The following TSPAN2 variants were observed in gnomAD, a reference collection of about 807,000 sequenced individuals.
TSPAN2 encodes tetraspanin 2.
A neutral mutation model predicts 33.3 loss-of-function variants in TSPAN2; 24 were observed. The observed-to-expected ratio is 0.72, with a 90% CI of 0.52 to 1.01. TSPAN2 has a LOEUF of 1.01. TSPAN2 is among the 50% of genes least tolerant of loss of function. The probability of loss-of-function intolerance (pLI) is 0.00; values close to 1 mark genes in which losing one functional copy is unlikely to be tolerated. For missense variants in TSPAN2, 278 were observed against 281.3 expected, an observed-to-expected ratio of 0.99 and a Z score of 0.08; for synonymous variants, 114 against 104.5, an observed-to-expected ratio of 1.09 and a Z score of -0.56.
At chr1:115,052,575 A>G (rs1387120971) in intron 7 of TSPAN2, among the ~76,000 whole-genome samples, 3 of 152,300 alleles carry the variant, frequency 2.0e-5, no homozygotes, top group East Asian at 1.9e-4. Flanking sequence ...TCAATGATGT[A>G]GATCGAATAC....
intron 1 of TSPAN2, among the ~76,000 whole-genome samples, chr1:115,087,611 G>A (rs1936097): frequency 0.4 from 44,459 of 111,826 alleles, 7,291 homozygotes; most frequent in East Asian, 0.52. Flanking sequence ...GTGAGACTCC[G>A]TCTCAAAAAA....
At chr1:115,068,001 C>T (rs551696341) in intron 2 of TSPAN2, among the ~76,000 whole-genome samples, 2 of 152,184 alleles carry the variant, frequency 1.3e-5, no homozygotes. Context: ...AAGAGACTAG[C>T]GTGGACAAGG....
In TSPAN2 at chr1:115,048,631, T is replaced by G. The variant is rs1316668531; in HGVS notation, c.*1859A>C. 1 of 152,020 alleles carries G rather than the reference T, an allele frequency of 6.6e-6. No homozygotes were observed. Among genetic ancestry groups the G allele is most frequent in the East Asian group, 1.9e-4 (1 of 5,194 alleles). 9.4% of individuals were successfully genotyped at this position (152,020 alleles called of 1,614,324 possible). ...GATTCTGAGTTGGAAAGAACCCGAG[T>G]ATGCACTTGGGCCTGTTTCCTGTCT... is the stretch of plus-strand genomic sequence containing the variant. On this transcript the variant is annotated 3_prime_UTR_variant, in exon 8 of 8. Transcript: ENST00000369516.
At chr1:115,068,915 G>A (rs1359031324) in intron 2 of TSPAN2, among the ~76,000 whole-genome samples, 3 of 152,184 alleles carry the variant, frequency 2.0e-5, no homozygotes, top group East Asian at 1.9e-4. Flanking sequence ...GGGCAAGCAC[G>A]GACCTGGCTG....
chr1:115,052,605 C>A (rs943460251), intron 7 of TSPAN2, among the ~76,000 whole-genome samples: 1 of 152,132 alleles, frequency 6.6e-6, no homozygotes, highest in South Asian at 2.1e-4. Flanking sequence ...TACCACCTCT[C>A]GCAACTCCTG....
intron 2 of TSPAN2, among the ~76,000 whole-genome samples, chr1:115,064,700 C>A (rs1302178656): frequency 6.6e-6 from 1 of 152,192 alleles, no homozygotes; most frequent in Non-Finnish European, 1.5e-5. Context: ...CTGTCATCAC[C>A]CATCTTTGCT....
chr1:115,078,378 T>C (rs1379004296), intron 1 of TSPAN2, among the ~76,000 whole-genome samples: 4 of 152,164 alleles, frequency 2.6e-5, no homozygotes, highest in Admixed American at 2.6e-4. Flanking sequence ...ATTTGCTAAA[T>C]GAGTGAATGG....
chr1:115,081,337 C>T (rs1044878621), intron 1 of TSPAN2, among the ~76,000 whole-genome samples: 10 of 152,300 alleles, frequency 6.6e-5, no homozygotes, highest in African/African-American at 2.4e-4. Flanking sequence ...TGGCCCTGCT[C>T]AGCCTTGCTC....
chr1:115,069,150 C>T (rs536497543), intron 2 of TSPAN2, among the ~76,000 whole-genome samples: 43 of 152,300 alleles, frequency 2.8e-4, no homozygotes, highest in African/African-American at 8.2e-4. Context: ...GGACGAGGAA[C>T]GAAAGGTGGG....
chr1:115,081,094 A>G (rs895928749), intron 1 of TSPAN2, among the ~76,000 whole-genome samples: 2 of 152,256 alleles, frequency 1.3e-5, no homozygotes, highest in Non-Finnish European at 2.9e-5. Flanking sequence ...AGATTAGAAA[A>G]GCCAAAACAA....
At chr1:115,062,437 C>T (rs990973462) in intron 2 of TSPAN2, among the ~76,000 whole-genome samples, 3 of 152,134 alleles carry the variant, frequency 2.0e-5, no homozygotes, top group Non-Finnish European at 4.4e-5. Context: ...TTGGCAGAGC[C>T]GGGAGAAAAA....
rs766607193 is a variant in TSPAN2 at position 115,060,527 on chromosome 1, G to A, written c.282C>T (p.Cys94=). The change falls in exon 4 of 8, where the codon TGC becomes TGT. Residue 94 remains cysteine (C), a synonymous_variant. Coordinates refer to ENST00000369516, the MANE Select transcript of TSPAN2 (RefSeq NM_005725.6). The stretch of plus-strand genomic sequence containing the variant: ...CTTCAGCAGCAAATATCACCAGGAG[G>A]CAGGTAAAAAACTGTAGAGGAGAGA... ...SQCVLGSFFT[C]LLVIFAAEVT... 6 of 1,612,960 alleles carry A rather than the reference G, an allele frequency of 3.7e-6. No homozygotes were observed. Among genetic ancestry groups the A allele is most frequent in the South Asian group, 1.1e-5 (1 of 90,864 alleles).
chr1:115,087,607 C>A (rs1438742903), intron 1 of TSPAN2, among the ~76,000 whole-genome samples: 3 of 121,620 alleles, frequency 2.5e-5, no homozygotes, highest in African/African-American at 3.4e-5. Flanking sequence ...CAGAGTGAGA[C>A]TCCGTCTCAA....
rs1231088504 is a variant in TSPAN2 at position 115,067,626 on chromosome 1, A to AATGCTTTCCTTATACATAAC, written c.172+5259_172+5278dup. The stretch of plus-strand genomic sequence containing the variant: ...CCACCCCCTTGGTGTTCGGCACTGG[A>AATGCTTTCCTTATACATAAC]ATGCTTTCCTTATACATAACATCCA... On this transcript the variant is annotated intron_variant, in intron 2 of 7. Coordinates refer to ENST00000369516, the MANE Select transcript of TSPAN2 (RefSeq NM_005725.6). 9.2e-4 allele frequency among the ~76,000 whole-genome samples: 140 copies of AATGCTTTCCTTATACATAAC among 152,276 alleles called. 3 individuals carry two copies. Among genetic ancestry groups the AATGCTTTCCTTATACATAAC allele is most frequent in the African/African-American group, 3.3e-3 (138 of 41,556 alleles).
chr1:115,079,858 T>C (rs191365847), intron 1 of TSPAN2, among the ~76,000 whole-genome samples: 2 of 152,318 alleles, frequency 1.3e-5, no homozygotes, highest in Admixed American at 1.3e-4. Context: ...TTCCTTCAGG[T>C]AAGAGTATAT....
chr1:115,066,868 G>A (rs1304433224), intron 2 of TSPAN2, among the ~76,000 whole-genome samples: 1 of 152,130 alleles, frequency 6.6e-6, no homozygotes, highest in Non-Finnish European at 1.5e-5. Context: ...TTCCTAATCC[G>A]AAAATCCCAA....
rs1229256413 is a variant in TSPAN2 at position 115,049,093 on chromosome 1, C to T, written c.*1397G>A. ...GTATTTTCACTTATGTGTGGCCTTA[C>T]AAAATGTAGTTTTTAAAAAATCTAT... On this transcript the variant is annotated 3_prime_UTR_variant, in exon 8 of 8. Coordinates refer to ENST00000369516, the MANE Select transcript of TSPAN2 (RefSeq NM_005725.6). 1 of 152,058 alleles carries T rather than the reference C, an allele frequency of 6.6e-6. No individual in the cohort carries two copies. Among genetic ancestry groups the T allele is most frequent in the East Asian group, 1.9e-4 (1 of 5,182 alleles). The allele number at this position is 152,058 out of a possible 1,614,324, so 9.4% of individuals were successfully genotyped here.
chr1:115,073,536 G>T (rs1648275961), intron 1 of TSPAN2, among the ~76,000 whole-genome samples: 1 of 116,392 alleles, frequency 8.6e-6, no homozygotes, highest in Non-Finnish European at 1.9e-5. Flanking sequence ...CACCTCGTGA[G>T]TGCACAGTCC....
At position 115,077,699 on chromosome 1, in the gene TSPAN2, T is replaced by C. The variant is rs185484247; in HGVS notation, c.70-4692A>G. On this transcript the variant is annotated intron_variant, in intron 1 of 7. Coordinates refer to ENST00000369516, the MANE Select transcript of TSPAN2 (RefSeq NM_005725.6). The stretch of plus-strand genomic sequence containing the variant: ...AATAGATTTCAATTTTATTTTACTG[T>C]ACTTACTTCCATTTCCTGGGATTGC... Among the ~76,000 whole-genome samples the C allele has an allele frequency of 3.8e-3, 584 of 152,376 alleles. 3 individuals carry two copies. The highest frequency in any genetic ancestry group is 5.0e-3 in the Non-Finnish European group (339 of 68,042).
Sources: allele counts gnomAD v4.1 joint callset (sites outside exome capture counted in the v4.1 genomes callset), GRCh38; gene constraint gnomAD v4.1.1; transcripts MANE v1.5; gene names NCBI Gene and HGNC (gene_info 2026-07-23, HGNC 2026-07-21).